The following NF2 variants were observed in gnomAD, a reference collection of about 807,000 sequenced individuals.
NF2 encodes the protein NF2, moesin-ezrin-radixin like (MERLIN) tumor suppressor.
NF2 carries 8 observed loss-of-function variants against 83.7 expected under a neutral mutation model. The ratio of observed to expected loss-of-function variants is 0.10; its 90% CI spans 0.06 to 0.17. The LOEUF (loss-of-function observed/expected upper bound fraction) is 0.17, where lower values mean the gene tolerates loss of function less well. NF2 is among the 10% of genes least tolerant of loss of function. The probability of loss-of-function intolerance (pLI) is 1.00; values close to 1 mark genes in which losing one functional copy is unlikely to be tolerated. For missense variants in NF2, 533 were observed against 744.4 expected, an observed-to-expected ratio of 0.72 and a Z score of 3.31; for synonymous variants, 266 against 269.6, an observed-to-expected ratio of 0.99 and a Z score of 0.13.
intron 1 of NF2, chr22:29,609,026 C>T (rs2064879552): frequency 2.9e-6 from 2 of 700,988 alleles, no homozygotes; most frequent in Non-Finnish European, 5.3e-6. Context: ...GATGAACATG[C>T]ATGTGATGGT....
At chr22:29,687,479 C>T (rs1782905899) in intron 15 of NF2, among the ~76,000 whole-genome samples, 1 of 152,136 alleles carries the variant, frequency 6.6e-6, no homozygotes, top group South Asian at 2.1e-4. Context: ...AGTGATAAAT[C>T]ACAGAGAGAG....
intron 4 of NF2, among the ~76,000 whole-genome samples, chr22:29,643,448 C>T (rs1046695392): frequency 2.6e-4 from 40 of 152,254 alleles, no homozygotes; most frequent in African/African-American, 5.5e-4. Flanking sequence ...ACTTCCGCAG[C>T]GTTTGTGTCC....
At position 29,683,007 on chromosome 22, in the gene NF2, T is replaced by A. The variant is rs778513184; in HGVS notation, c.1737+1406T>A. ...ATGTTTTTGTTTTTCTTCATTTTAT[T>A]TTGCTGGTTTAGCCTCAAGCCCAAG... On this transcript the variant is annotated intron_variant, in intron 15 of 15. Coordinates refer to ENST00000338641, the MANE Select transcript of NF2 (RefSeq NM_000268.4). 73 of 1,614,104 alleles carry A rather than the reference T, an allele frequency of 4.5e-5. No homozygotes were observed. Among genetic ancestry groups the A allele is most frequent in the Non-Finnish European group, 5.8e-5 (68 of 1,180,052 alleles).
intron 3 of NF2, 128 bp from the exon 4 acceptor site, chr22:29,642,074 G>T: frequency 1.3e-6 from 1 of 771,032 alleles, no homozygotes. Flanking sequence ...TGTACCCTTT[G>T]TCAGAAAATT....
chr22:29,646,493 T>C (rs1464710524), intron 4 of NF2, among the ~76,000 whole-genome samples: 1 of 152,230 alleles, frequency 6.6e-6, no homozygotes, highest in African/African-American at 2.4e-5. Flanking sequence ...TTCCATTATA[T>C]TCAGCTTGTT....
At chr22:29,689,045 G>C (rs1273984472) in intron 15 of NF2, among the ~76,000 whole-genome samples, 1 of 152,080 alleles carries the variant, frequency 6.6e-6, no homozygotes, top group East Asian at 1.9e-4. Flanking sequence ...TGGGCGTGGT[G>C]GCATGCGCCT....
At chr22:29,662,017 C>T (rs887547317) in intron 8 of NF2, among the ~76,000 whole-genome samples, 22 of 152,150 alleles carry the variant, frequency 1.4e-4, no homozygotes, top group African/African-American at 4.8e-4. Context: ...TTAAATATTT[C>T]CATATAGGGT....
chr22:29,675,923 A>T (rs953065163), intron 13 of NF2, among the ~76,000 whole-genome samples: 1 of 152,170 alleles, frequency 6.6e-6, no homozygotes, highest in South Asian at 2.1e-4. Flanking sequence ...GAGGTGGGGA[A>T]AATGTAAGCA....
intron 1 of NF2, 36 bp downstream of exon 1, chr22:29,604,148 G>A (rs986111371): frequency 1.6e-5 from 24 of 1,519,870 alleles, no homozygotes; most frequent in Non-Finnish European, 2.1e-5. Flanking sequence ...TGCGGTGACA[G>A]TCGAGGTGGA....
At chr22:29,644,624 G>T (rs1416587507) in intron 4 of NF2, among the ~76,000 whole-genome samples, 1 of 152,166 alleles carries the variant, frequency 6.6e-6, no homozygotes, top group Admixed American at 6.5e-5. Flanking sequence ...ACTCCAGCCT[G>T]GGCACCATTG....
chr22:29,686,430 A>G (rs1211740273), intron 15 of NF2, among the ~76,000 whole-genome samples: 2 of 152,250 alleles, frequency 1.3e-5, no homozygotes, highest in African/African-American at 4.8e-5. Context: ...ACCTGAGGTC[A>G]GGAGTTCGAG....
intron 15 of NF2, among the ~76,000 whole-genome samples, chr22:29,688,417 TC>T (rs1373100629): frequency 6.6e-6 from 1 of 152,242 alleles, no homozygotes; most frequent in Non-Finnish European, 1.5e-5. Context: ...GTTCTCATGA[TC>T]CTTGCTGTGA....
chr22:29,604,019 C>A lies in NF2; in HGVS notation c.21C>A (p.Ser7=). MAGAIA[S]RMSFSSLKRK... is the part of the protein sequence containing the mutation. ...GCGCCATGGCCGGGGCCATCGCTTC[C>A]CGCATGAGCTTCAGCTCTCTCAAGA... Residue 7 remains serine, a synonymous_variant, in exon 1 of 16, where the codon TCC becomes TCA. Coordinates refer to ENST00000338641, the MANE Select transcript of NF2 (RefSeq NM_000268.4). The A allele has an allele frequency of 6.3e-7, 1 of 1,593,846 alleles. No individual in the cohort carries two copies. The highest frequency in any genetic ancestry group is 2.3e-5 in the East Asian group (1 of 44,112).
At chr22:29,644,775 G>A (rs1467863074) in intron 4 of NF2, among the ~76,000 whole-genome samples, 9 of 152,190 alleles carry the variant, frequency 5.9e-5, no homozygotes, top group Non-Finnish European at 7.3e-5. Flanking sequence ...ACGAAAACCC[G>A]TCAGGCGTGG....
At chr22:29,664,022 C>G (rs899252262) in intron 8 of NF2, among the ~76,000 whole-genome samples, 2 of 152,158 alleles carry the variant, frequency 1.3e-5, no homozygotes, top group African/African-American at 4.8e-5. Context: ...CATTTTTTCC[C>G]CATTTGATTC....
intron 1 of NF2, among the ~76,000 whole-genome samples, chr22:29,632,239 C>T (rs1184610372): frequency 6.6e-6 from 1 of 152,192 alleles, no homozygotes; most frequent in Non-Finnish European, 1.5e-5. Flanking sequence ...ATCCTACTCC[C>T]ATTTCCTGTA....
chr22:29,609,283 T>C, intron 1 of NF2: 1 of 698,894 alleles, frequency 1.4e-6, no homozygotes, highest in Non-Finnish European at 2.7e-6. Flanking sequence ...TCATGGAAGA[T>C]ATGATGTTAA....
At chr22:29,605,488 T>G (rs553060608) in intron 1 of NF2, among the ~76,000 whole-genome samples, 1 of 152,136 alleles carries the variant, frequency 6.6e-6, no homozygotes, top group African/African-American at 2.4e-5. Flanking sequence ...CTAGCTAATT[T>G]TTGTAAAGAC....
chr22:29,638,799 C>T (rs1484340996), intron 2 of NF2, among the ~76,000 whole-genome samples: 1 of 152,212 alleles, frequency 6.6e-6, no homozygotes, highest in Non-Finnish European at 1.5e-5. Context: ...TGATACATTT[C>T]TAGTTTTTAA....
Sources: gnomAD v4.1 joint callset for allele counts (sites outside exome capture counted in the v4.1 genomes callset) on GRCh38, gnomAD v4.1.1 for gene constraint, MANE v1.5 for transcripts, NCBI Gene and HGNC (gene_info 2026-07-23, HGNC 2026-07-21) for gene names.